Variants in SERBP1 observed in about 807,000 individuals in gnomAD.
SERBP1 encodes SERPINE1 mRNA binding protein 1, also known as SERPINE1 mRNA-binding protein 1.
A neutral mutation model predicts 50.2 loss-of-function variants in SERBP1; 6 were observed. The observed-to-expected ratio is 0.12, with a 90% CI of 0.07 to 0.24. SERBP1 has a LOEUF of 0.24. Ranked by LOEUF, SERBP1 falls within the 10% of genes least tolerant of loss-of-function variation. SERBP1 has a pLI of 1.00. For synonymous variants in SERBP1, 168 were observed against 182.8 expected (o/e 0.92, Z 0.65); for missense variants, 346 against 524.9 (o/e 0.66, Z 3.33).
intron 4 of SERBP1, 34 bp from the exon 5 acceptor site, chr1:67,424,311 T>C (rs753122155): frequency 8.7e-6 from 14 of 1,607,570 alleles, no homozygotes; most frequent in African/African-American, 4.0e-5. Context: ...CTGAATGTAT[T>C]TGGGGGACTC....
At chr1:67,419,939 A>T in intron 6 of SERBP1, 70 bp downstream of exon 6, 1 of 1,416,560 alleles carries the variant, frequency 7.1e-7, no homozygotes, top group Non-Finnish European at 9.9e-7. Context: ...GTGAAATTTT[A>T]AAACAAAAAT....
chr1:67,421,555 G>C (rs1234994384), intron 5 of SERBP1, among the ~76,000 whole-genome samples: 1 of 152,152 alleles, frequency 6.6e-6, no homozygotes, highest in Non-Finnish European at 1.5e-5. Context: ...TCGCTCCTGG[G>C]CACTGAGCTA....
In SERBP1 at chr1:67,412,665, T is replaced by C. The variant is rs1184757948; in HGVS notation, c.*542A>G. On this transcript the variant is annotated 3_prime_UTR_variant, in exon 8 of 8. Coordinates refer to ENST00000361219, the MANE Select transcript of SERBP1 (RefSeq NM_001018069.2). ...AGATTTTTCCCCAAAAATGAAAATA[T>C]TAAAACTAAGTTAAAATACATATAG... 4 of 152,658 alleles carry C rather than the reference T, an allele frequency of 2.6e-5. No homozygotes were observed. Among genetic ancestry groups the C allele is most frequent in the Non-Finnish European group, 5.9e-5 (4 of 68,074 alleles). 9.5% of individuals were successfully genotyped at this position (152,658 alleles called of 1,614,324 possible).
At chr1:67,426,887 T>C (rs1667403245) in intron 1 of SERBP1, among the ~76,000 whole-genome samples, 1 of 152,220 alleles carries the variant, frequency 6.6e-6, no homozygotes, top group African/African-American at 2.4e-5. Context: ...TTTAGGATTA[T>C]TAGAGAACAT....
rs1666759603 is a variant in SERBP1 at position 67,409,461 on chromosome 1, CT to C, written c.*3745del. ...GTCACAGGCTGAACTTTGCTGACCC[CT>C]GGCTTACATACAGCATCTCATTTAA... is the stretch of plus-strand genomic sequence containing the variant. On this transcript the variant is annotated 3_prime_UTR_variant, in exon 8 of 8. Transcript: ENST00000361219. 6.6e-6 allele frequency: 1 copy of C among 150,994 alleles called. No individual in the cohort carries two copies. The highest frequency in any genetic ancestry group is 2.4e-5 in the African/African-American group (1 of 40,948). 9.4% of individuals were successfully genotyped at this position (150,994 alleles called of 1,614,324 possible). A position where few individuals can be genotyped will look rare whatever the true frequency, so the allele number is the denominator to read the frequency against.
Position 67,430,305 on chromosome 1 carries a change from G to C in SERBP1, c.-5C>G. 6.7e-7 allele frequency: 1 copy of C among 1,490,078 alleles called. No individual in the cohort carries two copies. Among genetic ancestry groups the C allele is most frequent in the Non-Finnish European group, 8.9e-7 (1 of 1,121,152 alleles). 92.3% of individuals were successfully genotyped at this position (1,490,078 alleles called of 1,614,324 possible). A position where few individuals can be genotyped will look rare whatever the true frequency, so the allele number is the denominator to read the frequency against. On this transcript the variant is annotated 5_prime_UTR_variant, in exon 1 of 8. Transcript: ENST00000361219. Reference sequence around the variant, plus strand: ...TTCCTGTAAGTGCCCAGGCATGATGGTGGCTCGGCGGCGCGTTCCTCCACG... The same window carrying C: ...TTCCTGTAAGTGCCCAGGCATGATGCTGGCTCGGCGGCGCGTTCCTCCACG...
At chr1:67,426,776 A>G (rs1316721385) in intron 1 of SERBP1, among the ~76,000 whole-genome samples, 2 of 152,172 alleles carry the variant, frequency 1.3e-5, no homozygotes, top group African/African-American at 4.8e-5. Flanking sequence ...GCCCCTCACA[A>G]AAGTGAGGGC....
intron 7 of SERBP1, among the ~76,000 whole-genome samples, chr1:67,414,908 A>C (rs1287479989): frequency 1.2e-4 from 18 of 152,226 alleles, no homozygotes. Flanking sequence ...AAATGACATT[A>C]AGTACATAAA....
intron 2 of SERBP1, among the ~76,000 whole-genome samples, chr1:67,425,608 C>T (rs185838940): frequency 5.7e-4 from 87 of 152,278 alleles, no homozygotes; most frequent in African/African-American, 2.1e-3. Context: ...ACAGTATTTT[C>T]CTTTTAACTC....
rs1666717090 is a variant in SERBP1, at chr1:67,408,717, C to T, written c.*4490G>A. ...ACGCAAAGGACTTACACAAAGGGATCTGAGTCACTAAATGTGAAATACTAA... is the reference window on the plus strand; with the variant it reads ...ACGCAAAGGACTTACACAAAGGGATTTGAGTCACTAAATGTGAAATACTAA... On this transcript the variant is annotated 3_prime_UTR_variant, in exon 8 of 8. Coordinates refer to ENST00000361219, the MANE Select transcript of SERBP1 (RefSeq NM_001018069.2). 6.6e-6 allele frequency: 1 copy of T among 152,140 alleles called. No homozygotes were observed. The highest frequency in any genetic ancestry group is 1.5e-5 in the Non-Finnish European group (1 of 68,024). 9.4% of individuals were successfully genotyped at this position (152,140 alleles called of 1,614,324 possible).
chr1:67,423,124 C>T, intron 5 of SERBP1, among the ~76,000 whole-genome samples: 1 of 145,792 alleles, frequency 6.9e-6, no homozygotes, highest in Admixed American at 6.8e-5. Context: ...ACCAGCCTGG[C>T]CAGCTGGTCT....
intron 1 of SERBP1, among the ~76,000 whole-genome samples, chr1:67,426,509 A>C (rs1213666151): frequency 6.6e-6 from 1 of 152,228 alleles, no homozygotes; most frequent in Non-Finnish European, 1.5e-5. Context: ...TAAATAAATA[A>C]AATAAAAACA....
At position 67,428,476 on chromosome 1, in the gene SERBP1, TTTC is replaced by T. The variant is rs572686096; in HGVS notation, c.313+1509_313+1511del. ...CGTCAGATTCAACTTTTTCGTGTAC[TTTC>T]TTAAGCTTAAGCATAGTTTAAATAA... is the stretch of plus-strand genomic sequence containing the variant. On this transcript the variant is annotated intron_variant, in intron 1 of 7. Coordinates refer to ENST00000361219, the MANE Select transcript of SERBP1 (RefSeq NM_001018069.2). 3.0e-3 allele frequency among the ~76,000 whole-genome samples: 452 copies of T among 152,316 alleles called. 2 individuals are homozygous for T. Among genetic ancestry groups the T allele is most frequent in the African/African-American group, 0.01 (424 of 41,566 alleles).
chr1:67,420,409 CT>C (rs1429129784), intron 5 of SERBP1: 2 of 439,100 alleles, frequency 4.6e-6, no homozygotes, highest in Admixed American at 7.9e-5. Context: ...GGAATTCATA[CT>C]TATGAACTCT....
In SERBP1 at chr1:67,412,011, T is replaced by C. The variant is rs767190509; in HGVS notation, c.*1196A>G. 1 of 152,626 alleles carries C rather than the reference T, an allele frequency of 6.6e-6. No individual in the cohort carries two copies. The highest frequency in any genetic ancestry group is 1.5e-5 in the Non-Finnish European group (1 of 68,008). The allele number at this position is 152,626 out of a possible 1,614,324, so 9.5% of individuals were successfully genotyped here. On this transcript the variant is annotated 3_prime_UTR_variant, in exon 8 of 8. Transcript: ENST00000361219. ...GAATACTCAACTTACAACCAAATAA[T>C]AGCAATCTAGGAAATTTAGAAACAG...
In SERBP1 at chr1:67,412,184, G is replaced by T. The variant is rs1666865646; in HGVS notation, c.*1023C>A. On this transcript the variant is annotated 3_prime_UTR_variant, in exon 8 of 8. Transcript: ENST00000361219. Reference sequence around the variant, plus strand: ...CCTTTGGTTTTTGTTTTAGAACAAGGAAGGGTTAAATGGTGGCTGATTATG... The same window carrying T: ...CCTTTGGTTTTTGTTTTAGAACAAGTAAGGGTTAAATGGTGGCTGATTATG... 1 of 152,646 alleles carries T rather than the reference G, an allele frequency of 6.6e-6. No homozygotes were observed. The highest frequency in any genetic ancestry group is 2.4e-5 in the African/African-American group (1 of 41,450). 9.5% of individuals were successfully genotyped at this position (152,646 alleles called of 1,614,324 possible).
intron 6 of SERBP1, 108 bp downstream of exon 6, chr1:67,419,901 G>A (rs971891522): frequency 1.1e-6 from 1 of 925,124 alleles, no homozygotes; most frequent in East Asian, 2.6e-5. Flanking sequence ...ATGATCCTAT[G>A]TAAAGCTTTA....
chr1:67,411,980 T>C lies in SERBP1; in HGVS notation c.*1227A>G, dbSNP rs1479531376. ...AAGAGAGAAGAGATAATTACCACTTTCTGTGGAATACTCAACTTACAACCA... is the reference window on the plus strand; with the variant it reads ...AAGAGAGAAGAGATAATTACCACTTCCTGTGGAATACTCAACTTACAACCA... On this transcript the variant is annotated 3_prime_UTR_variant, in exon 8 of 8. Transcript: ENST00000361219. The C allele has an allele frequency of 1.3e-5, 2 of 152,738 alleles. No individual in the cohort carries two copies. The highest frequency in any genetic ancestry group is 1.9e-4 in the East Asian group (1 of 5,196). 9.5% of individuals were successfully genotyped at this position (152,738 alleles called of 1,614,324 possible). A position where few individuals can be genotyped will look rare whatever the true frequency, so the allele number is the denominator to read the frequency against.
In SERBP1 at chr1:67,420,740, TA is replaced by T. The variant is rs2100426706; in HGVS notation, c.774-555del. Among the ~76,000 whole-genome samples the T allele has an allele frequency of 1.3e-5, 2 of 152,314 alleles. 1 individual carries two copies. Among genetic ancestry groups the T allele is most frequent in the Admixed American group, 1.3e-4 (2 of 15,296 alleles). ...ACAATAGCCGTGTTTCTACAAATCC[TA>T]AAATCCTTATACTCCAATTTTCAAA... On this transcript the variant is annotated intron_variant, in intron 5 of 7. Transcript: ENST00000361219.
Sources: gnomAD v4.1 joint callset for allele counts (sites outside exome capture counted in the v4.1 genomes callset) on GRCh38, gnomAD v4.1.1 for gene constraint, MANE v1.5 for transcripts, NCBI Gene and HGNC (gene_info 2026-07-23, HGNC 2026-07-21) for gene names.